RASL12: variants seen among roughly 807,000 people sequenced by gnomAD.
The protein encoded by RASL12 is ras-like protein family member 12.
A neutral mutation model predicts 22.9 loss-of-function variants in RASL12; 16 were observed. The observed-to-expected ratio is 0.70, with a 90% CI of 0.47 to 1.06. RASL12 has a LOEUF of 1.06. Ranked by LOEUF, RASL12 falls within the 50% of genes least tolerant of loss-of-function variation. RASL12 has a pLI of 0.00. For missense variants in RASL12, 306 were observed against 353.1 expected (o/e 0.87, Z 1.07); for synonymous variants, 159 against 152.2 (o/e 1.04, Z -0.33).
At chr15:65,062,047 C>T (rs1231238173) in intron 2 of RASL12, among the ~76,000 whole-genome samples, 2 of 148,880 alleles carry the variant, frequency 1.3e-5, no homozygotes, top group Non-Finnish European at 3.0e-5. Flanking sequence ...CGCCACTGCA[C>T]TCCAGCCTGG....
At chr15:65,066,811 C>T (rs776215720) in intron 1 of RASL12, among the ~76,000 whole-genome samples, 1 of 152,052 alleles carries the variant, frequency 6.6e-6, no homozygotes, top group Non-Finnish European at 1.5e-5. Flanking sequence ...GTGAGTCTTA[C>T]AGAACACTCT....
At chr15:65,051,649 A>G, downstream of RASL12, 6 of 1,580,360 alleles carry the variant, frequency 3.8e-6, no homozygotes, top group Non-Finnish European at 4.3e-6. Context: ...TCTGTGGGGT[A>G]GAGGCCCTGC....
chr15:65,064,811 C>A (rs1222499996), intron 2 of RASL12, among the ~76,000 whole-genome samples: 1 of 152,162 alleles, frequency 6.6e-6, no homozygotes, highest in Non-Finnish European at 1.5e-5. Context: ...CCAGGCTGGT[C>A]ATTAACTCCT....
intron 4 of RASL12, among the ~76,000 whole-genome samples, chr15:65,055,692 A>G (rs2086722953): frequency 6.6e-6 from 1 of 152,104 alleles, no homozygotes; most frequent in Non-Finnish European, 1.5e-5. Context: ...CAGGCCACCC[A>G]CAGCTCTGGC....
upstream of RASL12, among the ~76,000 whole-genome samples, chr15:65,071,428 A>C (rs779591552): frequency 6.6e-6 from 1 of 152,152 alleles, no homozygotes; most frequent in Non-Finnish European, 1.5e-5. Context: ...CTCAGTGTCC[A>C]GGAGGAGGAA....
Position 65,067,917 on chromosome 15 carries a change from G to T in RASL12, c.-82C>A. On this transcript the variant is annotated 5_prime_UTR_variant, in exon 1 of 5. Coordinates refer to ENST00000220062, the MANE Select transcript of RASL12 (RefSeq NM_016563.4). Reference sequence around the variant, plus strand: ...CCGCCCGTCGGGGCCCAGGGGAGCGGGATGCAGGCTTCCCTGGAGCGCGCG... The same window carrying T: ...CCGCCCGTCGGGGCCCAGGGGAGCGTGATGCAGGCTTCCCTGGAGCGCGCG... 7.5e-7 allele frequency: 1 copy of T among 1,339,204 alleles called. No individual in the cohort carries two copies. Among genetic ancestry groups the T allele is most frequent in the Non-Finnish European group, 9.5e-7 (1 of 1,049,194 alleles). 83.0% of individuals were successfully genotyped at this position (1,339,204 alleles called of 1,614,324 possible). A position where few individuals can be genotyped will look rare whatever the true frequency, so the allele number is the denominator to read the frequency against.
chr15:65,075,876 C>T (rs1002591118), intron 1 of RASL12, among the ~76,000 whole-genome samples: 1 of 151,920 alleles, frequency 6.6e-6, no homozygotes, highest in Non-Finnish European at 1.5e-5. Flanking sequence ...AATCGGCACT[C>T]TGTATCTAGC....
At position 65,053,398 on chromosome 15, in the gene RASL12, T is replaced by C. The variant is rs1368489783; in HGVS notation, c.*1501A>G. On this transcript the variant is annotated 3_prime_UTR_variant, in exon 5 of 5. Transcript: ENST00000220062. ...CTGGAAGGGAGCAGGTGGTATTGCATAGTTTGTTCAGATGGCAGTGGTACA... is the reference window on the plus strand; with the variant it reads ...CTGGAAGGGAGCAGGTGGTATTGCACAGTTTGTTCAGATGGCAGTGGTACA... 7.4e-7 allele frequency: 1 copy of C among 1,342,762 alleles called. No homozygotes were observed. The highest frequency in any genetic ancestry group is 9.5e-7 in the Non-Finnish European group (1 of 1,048,564). 83.2% of individuals were successfully genotyped at this position (1,342,762 alleles called of 1,614,324 possible). A position where few individuals can be genotyped will look rare whatever the true frequency, so the allele number is the denominator to read the frequency against.
exon 1 of RASL12, chr15:65,076,531 C>T (rs769006080): frequency 5.4e-4 from 378 of 699,956 alleles, no homozygotes; most frequent in Non-Finnish European, 8.9e-4. Context: ...ACACTCACCT[C>T]GAGGGTCCGC....
chr15:65,071,583 G>A (rs1269886721), upstream of RASL12, among the ~76,000 whole-genome samples: 1 of 152,116 alleles, frequency 6.6e-6, no homozygotes, highest in Non-Finnish European at 1.5e-5. Flanking sequence ...TAGAAACTGG[G>A]TGGGTGCCCG....
At chr15:65,050,493 T>C (rs2086636005), downstream of RASL12, among the ~76,000 whole-genome samples, 2 of 152,178 alleles carry the variant, frequency 1.3e-5, no homozygotes, top group South Asian at 4.1e-4. Context: ...AAAGAAAAAT[T>C]AAACAGAGAA....
chr15:65,062,297 C>A (rs1322177900), intron 2 of RASL12, among the ~76,000 whole-genome samples: 2 of 152,174 alleles, frequency 1.3e-5, no homozygotes, highest in Non-Finnish European at 2.9e-5. Flanking sequence ...AACAGCCACA[C>A]CCCAGAAAAC....
upstream of RASL12, among the ~76,000 whole-genome samples, chr15:65,071,952 G>A (rs1009190327): frequency 1.3e-5 from 2 of 152,146 alleles, no homozygotes; most frequent in African/African-American, 4.8e-5. Flanking sequence ...CATAACCAAG[G>A]AAAAGCCCAA....
chr15:65,048,521 G>C (rs1414393692), downstream of RASL12, among the ~76,000 whole-genome samples: 6 of 152,336 alleles, frequency 3.9e-5, no homozygotes, highest in South Asian at 6.2e-4. Context: ...CAGTGACAGA[G>C]TGTGAGGGGA....
chr15:65,076,538 C>T (rs1427564163), exon 1 of RASL12: 1 of 700,808 alleles, frequency 1.4e-6, no homozygotes, highest in South Asian at 1.5e-5. Flanking sequence ...CCTCGAGGGT[C>T]CGCGGCTTCA....
At chr15:65,049,413 C>T (rs1434564551), downstream of RASL12, 1 of 152,168 alleles carries the variant, frequency 6.6e-6, no homozygotes, top group Admixed American at 6.5e-5. Context: ...GCTGCCTTTC[C>T]CTCCGGCACT....
chr15:65,059,912 A>C (rs2086781800), intron 2 of RASL12, among the ~76,000 whole-genome samples: 1 of 152,258 alleles, frequency 6.6e-6, no homozygotes, highest in South Asian at 2.1e-4. Context: ...AGTTCCGAGA[A>C]GGTTTTACAA....
intron 1 of RASL12, 84 bp downstream of exon 1, chr15:65,067,649 C>G: frequency 6.9e-7 from 1 of 1,442,744 alleles, no homozygotes; most frequent in Non-Finnish European, 9.1e-7. Context: ...AGTGGAAGAA[C>G]CTGCCCCCAA....
chr15:65,065,084 G>A, intron 2 of RASL12, 133 bp downstream of exon 2: 1 of 758,158 alleles, frequency 1.3e-6, no homozygotes, highest in Non-Finnish European at 2.1e-6. Flanking sequence ...CCCATGGGCT[G>A]GGTCATCCTG....
Sources: allele counts gnomAD v4.1 joint callset (sites outside exome capture counted in the v4.1 genomes callset), GRCh38; gene constraint gnomAD v4.1.1; transcripts MANE v1.5; gene names NCBI Gene and HGNC (gene_info 2026-07-23, HGNC 2026-07-21).